Variants in KCNMA1 observed in about 807,000 individuals in gnomAD.
The protein encoded by KCNMA1 is Calcium-activated potassium channel subunit alpha-1.
A neutral mutation model predicts 140.0 loss-of-function variants in KCNMA1; 29 were observed. The ratio of observed to expected loss-of-function variants is 0.21; its 90% CI spans 0.15 to 0.28. KCNMA1 has a LOEUF of 0.28. KCNMA1 is among the 10% of genes least tolerant of loss of function. KCNMA1 has a pLI of 1.00. For synonymous variants in KCNMA1, 612 were observed against 611.9 expected, an observed-to-expected ratio of 1.00 and a Z score of 0.00; for missense variants, 880 against 1,602.2, an observed-to-expected ratio of 0.55 and a Z score of 7.70.
intron 1 of KCNMA1, among the ~76,000 whole-genome samples, chr10:77,431,199 G>A (rs187313330): frequency 2.6e-5 from 4 of 152,318 alleles, no homozygotes; most frequent in South Asian, 2.1e-4. Flanking sequence ...TAGAAAACAT[G>A]CAGTGACTGG....
intron 1 of KCNMA1, among the ~76,000 whole-genome samples, chr10:77,438,367 G>C (rs1251769008): frequency 1.3e-5 from 2 of 152,032 alleles, no homozygotes; most frequent in Non-Finnish European, 2.9e-5. Flanking sequence ...AGGAGTTCGA[G>C]ACCAGCCTCA....
intron 19 of KCNMA1, among the ~76,000 whole-genome samples, chr10:76,996,320 T>A (rs1207279997): frequency 6.6e-6 from 1 of 152,198 alleles, no homozygotes; most frequent in African/African-American, 2.4e-5. Flanking sequence ...AGTCAACCTA[T>A]GGCTCAGCGT....
intron 1 of KCNMA1, among the ~76,000 whole-genome samples, chr10:77,426,579 T>C (rs1216862127): frequency 6.6e-6 from 1 of 152,238 alleles, no homozygotes; most frequent in African/African-American, 2.4e-5. Flanking sequence ...GCTGTTATTA[T>C]TCTTGTAGAT....
At chr10:77,377,141 G>GATCTACGCA (rs2095176424) in intron 2 of KCNMA1, among the ~76,000 whole-genome samples, 1 of 152,180 alleles carries the variant, frequency 6.6e-6, no homozygotes, top group Non-Finnish European at 1.5e-5. Context: ...GGAAAGAAGG[G>GATCTACGCA]ATCTACGCAG....
Position 77,115,710 on chromosome 10 carries a change from T to C in KCNMA1, c.885-3268A>G, listed in dbSNP as rs750990736. ...CTCTAAATGATGGTTACAGTGATAT[T>C]AGTAGTGCGTTAGGGAGCTCTTGCC... is the stretch of plus-strand genomic sequence containing the variant. On this transcript the variant is annotated intron_variant, in intron 6 of 27. Transcript: ENST00000286628. 2.2e-4 allele frequency among the ~76,000 whole-genome samples: 33 copies of C among 152,306 alleles called. 1 individual carries two copies. Among genetic ancestry groups the C allele is most frequent in the South Asian group, 1.5e-3 (7 of 4,822 alleles).
intron 1 of KCNMA1, among the ~76,000 whole-genome samples, chr10:77,442,511 T>C (rs1296844605): frequency 2.0e-5 from 3 of 152,138 alleles, no homozygotes; most frequent in Non-Finnish European, 1.5e-5. Context: ...GCTACTTTAC[T>C]AGTTGTAAGA....
intron 5 of KCNMA1, chr10:77,150,148 G>T (rs1337211382): frequency 6.6e-6 from 1 of 152,202 alleles, no homozygotes; most frequent in African/African-American, 2.4e-5. Context: ...ACAAACTGAG[G>T]ATGTAAATGA....
intron 7 of KCNMA1, among the ~76,000 whole-genome samples, chr10:77,111,954 C>T (rs567399464): frequency 4.6e-5 from 7 of 152,196 alleles, no homozygotes; most frequent in African/African-American, 1.4e-4. Flanking sequence ...TTTCGTAAGG[C>T]GGAAGTGGAA....
chr10:76,942,869 G>A (rs1347627308), intron 23 of KCNMA1, among the ~76,000 whole-genome samples: 1 of 152,146 alleles, frequency 6.6e-6, no homozygotes, highest in Non-Finnish European at 1.5e-5. Flanking sequence ...TCCTCCCCAG[G>A]AGAGGAGGAG....
At chr10:77,520,490 G>T (rs934229612) in intron 1 of KCNMA1, among the ~76,000 whole-genome samples, 2 of 152,056 alleles carry the variant, frequency 1.3e-5, no homozygotes, top group Admixed American at 6.6e-5. Context: ...TTGGCACAGT[G>T]ACCAGCAGGT....
intron 1 of KCNMA1, among the ~76,000 whole-genome samples, chr10:77,470,290 G>T (rs1425640036): frequency 6.6e-6 from 1 of 152,124 alleles, no homozygotes; most frequent in South Asian, 2.1e-4. Flanking sequence ...CTTAAACGGT[G>T]CCACAGATGT....
intron 20 of KCNMA1, among the ~76,000 whole-genome samples, chr10:76,967,728 G>A (rs756396049): frequency 6.6e-6 from 1 of 152,162 alleles, no homozygotes; most frequent in African/African-American, 2.4e-5. Flanking sequence ...ACATCCCAGC[G>A]ACAGGAACTG....
intron 1 of KCNMA1, among the ~76,000 whole-genome samples, chr10:77,422,357 G>A (rs2096885532): frequency 6.6e-6 from 1 of 152,222 alleles, no homozygotes; most frequent in Non-Finnish European, 1.5e-5. Context: ...CTCAGCTGAC[G>A]CTAATGCTGA....
At chr10:77,034,186 G>C (rs866843541) in intron 15 of KCNMA1, among the ~76,000 whole-genome samples, 1 of 150,256 alleles carries the variant, frequency 6.7e-6, no homozygotes, top group South Asian at 2.1e-4. Context: ...CAAGGTTGCC[G>C]TGAGCTAAGA....
At chr10:77,238,213 A>G (rs996593814) in intron 3 of KCNMA1, among the ~76,000 whole-genome samples, 1 of 151,918 alleles carries the variant, frequency 6.6e-6, no homozygotes, top group Non-Finnish European at 1.5e-5. Flanking sequence ...CTCTACACTC[A>G]CCTCTTCCTC....
intron 14 of KCNMA1, among the ~76,000 whole-genome samples, chr10:77,065,477 T>C (rs534168231): frequency 2.6e-5 from 4 of 152,322 alleles, no homozygotes; most frequent in Middle Eastern, 3.4e-3. Flanking sequence ...ATGAGCTTAG[T>C]TACTTTCTTC....
chr10:77,280,308 G>A (rs2068051761), intron 2 of KCNMA1, among the ~76,000 whole-genome samples: 2 of 152,176 alleles, frequency 1.3e-5, no homozygotes, highest in East Asian at 3.8e-4. Flanking sequence ...TGACCATATA[G>A]AAGTTATTTT....
At chr10:77,627,347 C>T (rs1328217095) in intron 1 of KCNMA1, among the ~76,000 whole-genome samples, 3 of 152,148 alleles carry the variant, frequency 2.0e-5, no homozygotes, top group Admixed American at 2.0e-4. Flanking sequence ...CTTGGAGATA[C>T]AAGGCACGTG....
At chr10:76,904,475 T>C (rs2046962109) in intron 25 of KCNMA1, 1 of 152,268 alleles carries the variant, frequency 6.6e-6, no homozygotes. Flanking sequence ...AAGGGGCCTC[T>C]GCTTTTCTCT....
Sources: allele counts gnomAD v4.1 joint callset (sites outside exome capture counted in the v4.1 genomes callset), GRCh38; gene constraint gnomAD v4.1.1; transcripts MANE v1.5; gene names NCBI Gene and HGNC (gene_info 2026-07-23, HGNC 2026-07-21).